The following CTNNA3 variants were observed in gnomAD, a reference collection of about 807,000 sequenced individuals.
CTNNA3 encodes the protein catenin alpha 3, also known as catenin alpha-3.
In CTNNA3, 76 loss-of-function variants were observed where a neutral mutation model predicts 95.7. The observed-to-expected ratio is 0.79, with a 90% CI of 0.66 to 0.96. The LOEUF is 0.96. CTNNA3 is among the 40% of genes least tolerant of loss of function. CTNNA3 has a pLI of 0.00. For missense variants in CTNNA3, 1,191 were observed against 1,089.8 expected, an observed-to-expected ratio of 1.09 and a Z score of -1.31; for synonymous variants, 431 against 374.4, an observed-to-expected ratio of 1.15 and a Z score of -1.74.
intron 16 of CTNNA3, among the ~76,000 whole-genome samples, chr10:65,977,829 G>C (rs1344208823): frequency 2.0e-5 from 3 of 151,884 alleles, no homozygotes; most frequent in African/African-American, 7.3e-5. Context: ...AACGAATTTT[G>C]CAATTACAGA....
intron 11 of CTNNA3, among the ~76,000 whole-genome samples, chr10:66,470,440 T>C (rs888816525): frequency 6.6e-6 from 1 of 151,918 alleles, no homozygotes; most frequent in South Asian, 2.1e-4. Context: ...AATGTCAATC[T>C]GCCTGTTGTG....
At chr10:66,122,113 C>A (rs2082610801) in intron 13 of CTNNA3, among the ~76,000 whole-genome samples, 1 of 151,658 alleles carries the variant, frequency 6.6e-6, no homozygotes, top group Admixed American at 6.6e-5. Flanking sequence ...AGATAACAAA[C>A]AAAAGGTAGT....
chr10:67,689,041 G>A (rs1313205782), intron 1 of CTNNA3, among the ~76,000 whole-genome samples: 1 of 151,960 alleles, frequency 6.6e-6, no homozygotes, highest in East Asian at 1.9e-4. Context: ...AAGAAAAATT[G>A]GATTTAGTGG....
intron 15 of CTNNA3, among the ~76,000 whole-genome samples, chr10:66,036,963 C>T (rs4264060): frequency 0.34 from 49,514 of 144,104 alleles, 8,217 homozygotes; most frequent in South Asian, 0.44. Flanking sequence ...AGCTCCGCTT[C>T]GTGGGTTCAC....
chr10:66,726,705 A>T (rs547219233), intron 9 of CTNNA3, among the ~76,000 whole-genome samples: 62 of 152,146 alleles, frequency 4.1e-4, no homozygotes, highest in Non-Finnish European at 7.2e-4. Context: ...GTTGCCAGGA[A>T]GAACTTTAAA....
chr10:66,434,780 T>A (rs1387650722), intron 11 of CTNNA3, among the ~76,000 whole-genome samples: 2 of 152,206 alleles, frequency 1.3e-5, no homozygotes, highest in African/African-American at 2.4e-5. Context: ...TGGCTGTGAG[T>A]TTGTCATATA....
At chr10:66,463,913 G>T (rs1016156596) in intron 11 of CTNNA3, among the ~76,000 whole-genome samples, 7 of 149,954 alleles carry the variant, frequency 4.7e-5, no homozygotes, top group African/African-American at 1.2e-4. Context: ...ACAAATAAGC[G>T]TAAGAAAGAA....
At chr10:66,170,224 ATT>A (rs1316163395) in intron 13 of CTNNA3, among the ~76,000 whole-genome samples, 12 of 132,604 alleles carry the variant, frequency 9.0e-5, no homozygotes, top group African/African-American at 3.5e-4. Flanking sequence ...ATCCAGTTGC[ATT>A]CTCCTCCTCA....
chr10:67,224,084 G>A (rs1864783054), intron 5 of CTNNA3, among the ~76,000 whole-genome samples: 1 of 152,074 alleles, frequency 6.6e-6, no homozygotes, highest in African/African-American at 2.4e-5. Context: ...TACCCTTTGC[G>A]TTTGTGTGTA....
intron 17 of CTNNA3, among the ~76,000 whole-genome samples, chr10:65,931,837 G>A (rs1040288006): frequency 6.6e-6 from 1 of 152,180 alleles, no homozygotes. Context: ...AGAGCAGCTG[G>A]TTGTTGGCTT....
intron 7 of CTNNA3, among the ~76,000 whole-genome samples, chr10:66,797,574 A>T (rs1169900455): frequency 6.6e-6 from 1 of 152,012 alleles, no homozygotes; most frequent in Non-Finnish European, 1.5e-5. Context: ...TGAAAAGAAC[A>T]GTGCCATTAT....
At chr10:66,286,360 G>C (rs1038947948) in intron 12 of CTNNA3, among the ~76,000 whole-genome samples, 3 of 151,782 alleles carry the variant, frequency 2.0e-5, no homozygotes, top group African/African-American at 7.3e-5. Context: ...TTAAGACTAG[G>C]GATTACTTTG....
intron 10 of CTNNA3, among the ~76,000 whole-genome samples, chr10:66,593,640 G>A (rs1564555190): frequency 6.6e-6 from 1 of 152,046 alleles, no homozygotes; most frequent in Non-Finnish European, 1.5e-5. Flanking sequence ...AATTGCCAAA[G>A]TCACATTGAA....
chr10:66,277,806 A>C, intron 13 of CTNNA3, among the ~76,000 whole-genome samples: 1 of 151,994 alleles, frequency 6.6e-6, no homozygotes, highest in African/African-American at 2.4e-5. Flanking sequence ...TTGACCATAA[A>C]GTGTACTTAA....
rs577278923 is a variant in CTNNA3, at chr10:66,729,930, C to T, written c.1281+36334G>A. Among the ~76,000 whole-genome samples, 516 of 151,030 alleles carry T rather than the reference C, an allele frequency of 3.4e-3. 3 individuals carry two copies. The highest frequency in any genetic ancestry group is 0.011 in the African/African-American group (462 of 41,154). ...CCATCCTGGCTAATGCGGTGAAACCCTGTCTCTACTAAAAATACAAAAAAA... is the reference window on the plus strand; with the variant it reads ...CCATCCTGGCTAATGCGGTGAAACCTTGTCTCTACTAAAAATACAAAAAAA... On this transcript the variant is annotated intron_variant, in intron 9 of 17. Transcript: ENST00000433211.
At chr10:66,319,759 G>A (rs1289049036) in intron 12 of CTNNA3, among the ~76,000 whole-genome samples, 6 of 152,040 alleles carry the variant, frequency 3.9e-5, no homozygotes, top group South Asian at 2.1e-4. Context: ...TTTGTAACTG[G>A]ATAAAAGAAA....
chr10:66,792,495 G>A (rs1002176686), intron 7 of CTNNA3, among the ~76,000 whole-genome samples: 3 of 152,072 alleles, frequency 2.0e-5, no homozygotes, highest in Admixed American at 2.0e-4. Context: ...TACTCACACA[G>A]CAGGTACACA....
chr10:67,367,430 G>A (rs1410918854), intron 5 of CTNNA3, among the ~76,000 whole-genome samples: 4 of 151,938 alleles, frequency 2.6e-5, no homozygotes, highest in Non-Finnish European at 5.9e-5. Flanking sequence ...TGTTGGTGAA[G>A]GCTACAGAGA....
chr10:66,584,389 T>C (rs912191716), intron 10 of CTNNA3, among the ~76,000 whole-genome samples: 6 of 151,936 alleles, frequency 3.9e-5, no homozygotes, highest in Admixed American at 1.3e-4. Context: ...AATTTAGACA[T>C]GTTATATCTT....
Sources: gnomAD v4.1 joint callset for allele counts (sites outside exome capture counted in the v4.1 genomes callset) on GRCh38, gnomAD v4.1.1 for gene constraint, MANE v1.5 for transcripts, NCBI Gene and HGNC (gene_info 2026-07-23, HGNC 2026-07-21) for gene names.